The following HDAC9 variants were observed in gnomAD, a reference collection of about 807,000 sequenced individuals.
The protein encoded by HDAC9 is histone deacetylase 9.
A neutral mutation model predicts 139.4 loss-of-function variants in HDAC9; 41 were observed. The observed-to-expected ratio is 0.29, with a 90% confidence interval of 0.23 to 0.38. The LOEUF (loss-of-function observed/expected upper bound fraction) is 0.38. HDAC9 is among the 10% of genes least tolerant of loss of function. The pLI is 1.00. For synonymous variants in HDAC9, 517 were observed against 476.2 expected, an observed-to-expected ratio of 1.09 and a Z score of -1.12; for missense variants, 1,147 against 1,297.0, an observed-to-expected ratio of 0.88 and a Z score of 1.78.
At chr7:18,741,539 T>C (rs1042353954) in intron 13 of HDAC9, among the ~76,000 whole-genome samples, 3 of 152,234 alleles carry the variant, frequency 2.0e-5, no homozygotes, top group African/African-American at 7.2e-5. Flanking sequence ...ACTGTGTACC[T>C]GGTCACCCAA....
chr7:18,884,531 T>TA (rs556964649), intron 22 of HDAC9, among the ~76,000 whole-genome samples: 78 of 152,162 alleles, frequency 5.1e-4, no homozygotes, highest in African/African-American at 1.3e-3. Context: ...TTATACCATG[T>TA]AAAAAAAATC....
At chr7:18,712,923 T>A (rs1188003283) in intron 12 of HDAC9, among the ~76,000 whole-genome samples, 1 of 152,222 alleles carries the variant, frequency 6.6e-6, no homozygotes, top group Non-Finnish European at 1.5e-5. Flanking sequence ...TTGTTTCTAT[T>A]GATTCTATTT....
chr7:18,978,852 G>A (rs1241275184), intron 25 of HDAC9, among the ~76,000 whole-genome samples: 3 of 152,204 alleles, frequency 2.0e-5, no homozygotes, highest in Middle Eastern at 3.4e-3. Context: ...GAAAAGATTT[G>A]GAAAGGCAAT....
chr7:18,766,864 A>C (rs6461383), intron 15 of HDAC9, among the ~76,000 whole-genome samples: 18,969 of 152,148 alleles, frequency 0.12, 2,012 homozygotes, highest in African/African-American at 0.27. Context: ...GTGGGGCAAT[A>C]GACTCTACAT....
chr7:18,949,871 A>G (rs1469893460), intron 23 of HDAC9: 1 of 151,998 alleles, frequency 6.6e-6, no homozygotes, highest in Non-Finnish European at 1.5e-5. Flanking sequence ...AAATTTTTTA[A>G]TTAAATTATA....
At position 18,727,732 on chromosome 7, in the gene HDAC9, C is replaced by T. The variant is rs764963347; in HGVS notation, c.1884C>T (p.Arg628=). 28 of 1,548,338 alleles carry T rather than the reference C, an allele frequency of 1.8e-5. 1 individual carries two copies. In the South Asian group the frequency reaches 3.5e-4, roughly 20 times the overall value. Reference sequence around the variant, plus strand: ...TTTTACCTCACCCAGCAATGGACCGCCCCCTCCAGCCTGGCTCTGCAACTG... The same window carrying T: ...TTTTACCTCACCCAGCAATGGACCGTCCCCTCCAGCCTGGCTCTGCAACTG... ...ASVLPHPAMD[R]PLQPGSATGI... Residue 628 remains arginine (R), a synonymous_variant, in exon 13 of 26, where the codon CGC becomes CGT. Transcript: ENST00000686413.
intron 1 of HDAC9, among the ~76,000 whole-genome samples, chr7:18,331,656 G>T (rs1349344361): frequency 1.3e-5 from 2 of 151,486 alleles, no homozygotes; most frequent in Non-Finnish European, 3.0e-5. Flanking sequence ...AGTACAAAAT[G>T]TCTATTGTGT....
intron 1 of HDAC9, among the ~76,000 whole-genome samples, chr7:18,467,680 C>G (rs1586113362): frequency 6.6e-6 from 1 of 152,064 alleles, no homozygotes; most frequent in Admixed American, 6.6e-5. Context: ...ATTCTTTTTG[C>G]CTTATGTGTT....
At chr7:18,678,491 A>G (rs1354441449) in intron 12 of HDAC9, among the ~76,000 whole-genome samples, 1 of 151,808 alleles carries the variant, frequency 6.6e-6, no homozygotes, top group Non-Finnish European at 1.5e-5. Flanking sequence ...TGTCTCACGT[A>G]TCAAGTTTCC....
chr7:18,754,268 T>C (rs945726774), intron 14 of HDAC9, among the ~76,000 whole-genome samples: 1 of 151,740 alleles, frequency 6.6e-6, no homozygotes, highest in African/African-American at 2.4e-5. Flanking sequence ...TCTGGAGGGG[T>C]TATTTGGTGT....
Position 18,496,207 on chromosome 7 carries a change from A to C in HDAC9, c.-41-55A>C, listed in dbSNP as rs762231115. 1.9e-6 allele frequency: 3 copies of C among 1,573,252 alleles called. No individual in the cohort carries two copies. The African/African-American group carries it at 4.1e-5, about 21-fold the overall frequency. On this transcript the variant is annotated intron_variant, in intron 1 of 25. Coordinates refer to ENST00000686413, the MANE Select transcript of HDAC9 (RefSeq NM_178425.4). The stretch of plus-strand genomic sequence containing the variant: ...GAATGTTTCATGTAGCTGAAGTAAG[A>C]GTGACTGGAATATGCTGCAGACAAT...
chr7:18,332,419 C>G (rs1343236367), intron 1 of HDAC9, among the ~76,000 whole-genome samples: 2 of 150,488 alleles, frequency 1.3e-5, no homozygotes, highest in Non-Finnish European at 1.5e-5. Flanking sequence ...GAGATTTTTA[C>G]TTTAAAAAAT....
At chr7:18,738,555 A>G (rs1038506020) in intron 13 of HDAC9, among the ~76,000 whole-genome samples, 4 of 152,146 alleles carry the variant, frequency 2.6e-5, no homozygotes, top group Admixed American at 6.5e-5. Flanking sequence ...CTGGGTTGAA[A>G]ATTCTTTTCT....
chr7:18,505,926 A>G (rs1444834746), intron 2 of HDAC9: 2 of 152,188 alleles, frequency 1.3e-5, no homozygotes, highest in African/African-American at 4.8e-5. Context: ...TGGGTCAGTT[A>G]TTCTTAGCCT....
intron 1 of HDAC9, among the ~76,000 whole-genome samples, chr7:18,135,107 A>G (rs1785293721): frequency 6.6e-6 from 1 of 151,994 alleles, no homozygotes; most frequent in African/African-American, 2.4e-5. Flanking sequence ...TTTTACATCT[A>G]TTTTCTCCTT....
chr7:18,588,985 A>AATTT (rs1367490481), intron 3 of HDAC9, among the ~76,000 whole-genome samples: 1 of 152,166 alleles, frequency 6.6e-6, no homozygotes, highest in Non-Finnish European at 1.5e-5. Flanking sequence ...GTAGGGTTCA[A>AATTT]ACTTAAAAAC....
chr7:18,350,340 G>A (rs991646246), intron 1 of HDAC9, among the ~76,000 whole-genome samples: 1 of 152,270 alleles, frequency 6.6e-6, no homozygotes, highest in African/African-American at 2.4e-5. Flanking sequence ...AGCTAATTGT[G>A]TACCAGGTTT....
At position 18,997,568 on chromosome 7, in the gene HDAC9, A is replaced by G. The variant is rs1185938408; in HGVS notation, c.*1506A>G. ...TATATTTTTCTAACTCAAAGGATAT[A>G]TTAAAGCCATAAGTGAAGATTGTCA... On this transcript the variant is annotated 3_prime_UTR_variant, in exon 26 of 26. Transcript: ENST00000686413. The G allele has an allele frequency of 1.3e-5, 2 of 152,164 alleles. No homozygotes were observed. Among genetic ancestry groups the G allele is most frequent in the Non-Finnish European group, 2.9e-5 (2 of 67,994 alleles). The allele number at this position is 152,164 out of a possible 1,614,324, so 9.4% of individuals were successfully genotyped here.
At chr7:18,384,255 C>T (rs1165677010) in intron 1 of HDAC9, among the ~76,000 whole-genome samples, 1 of 151,842 alleles carries the variant, frequency 6.6e-6, no homozygotes, top group Non-Finnish European at 1.5e-5. Flanking sequence ...ATGTGGTGAC[C>T]CGTCACTGTG....
Sources: gnomAD v4.1 joint callset for allele counts (sites outside exome capture counted in the v4.1 genomes callset) on GRCh38, gnomAD v4.1.1 for gene constraint, MANE v1.5 for transcripts, NCBI Gene and HGNC (gene_info 2026-07-23, HGNC 2026-07-21) for gene names.